The following TPSD1 variants were observed in gnomAD, a reference collection of about 807,000 sequenced individuals.
The protein encoded by TPSD1 is tryptase delta.
In TPSD1, 30 loss-of-function variants were observed where a neutral mutation model predicts 25.4. The observed-to-expected ratio is 1.18, with a 90% CI of 0.88 to 1.60. The LOEUF is 1.60. Among genes scored for constraint, TPSD1 ranks in the 40% most tolerant of loss-of-function variants. The probability of loss-of-function intolerance (pLI) is 0.00; values close to 1 mark genes in which losing one functional copy is unlikely to be tolerated. For missense variants in TPSD1, 420 were observed against 324.2 expected (o/e 1.30, Z -2.27); for synonymous variants, 176 against 149.4 (o/e 1.18, Z -1.30).
At chr16:1,257,303 G>A (rs949489822) in intron 3 of TPSD1, 13 of 581,634 alleles carry the variant, frequency 2.2e-5, no homozygotes, top group South Asian at 4.8e-5. Context: ...TCCGTGCCTC[G>A]GTTTCCCCTT....
rs776727341 is a variant in TPSD1, at chr16:1,256,798, G to A, written c.256G>A (p.Asp86Asn). 1 of 1,612,390 alleles carries A rather than the reference G, an allele frequency of 6.2e-7. No homozygotes were observed. The highest frequency in any genetic ancestry group is 1.3e-5 in the African/African-American group (1 of 75,002). Residue 86 changes from aspartate (D) to asparagine (N), a missense_variant and splice_region_variant, in exon 3 of 5, where the codon GAC (aspartate) becomes AAC (asparagine). Physicochemically the swap from Asp to Asn is conservative, Grantham distance 23. Coordinates refer to ENST00000211076, the MANE Select transcript of TPSD1 (RefSeq NM_012217.3). ...VLTAAHCVEPDIKDLAALRVQ... is the reference protein window; with the variant it reads ...VLTAAHCVEPNIKDLAALRVQ... ...TGAGTGGGATCCTCCGCTGCCCAGG[G>A]ACATCAAGGATCTGGCCGCCCTCAG... is the stretch of plus-strand genomic sequence containing the variant.
At position 1,256,655 on chromosome 16, in the gene TPSD1, G is replaced by A; in HGVS notation, c.222G>A (p.Gln74=). The part of the protein sequence containing the change: ...HFCGGSLIHP[Q]WVLTAAHCVE... Reference sequence around the variant, plus strand: ...GCGGGGGCTCCCTCATCCACCCCCAGTGGGTGCTAACCGCGGCGCACTGCG... The same window carrying A: ...GCGGGGGCTCCCTCATCCACCCCCAATGGGTGCTAACCGCGGCGCACTGCG... Residue 74 remains glutamine, a synonymous_variant, in exon 2 of 5, where the codon CAG becomes CAA. Coordinates refer to ENST00000211076, the MANE Select transcript of TPSD1 (RefSeq NM_012217.3). The A allele has an allele frequency of 2.5e-6, 4 of 1,612,726 alleles. No homozygotes were observed. Among genetic ancestry groups the A allele is most frequent in the Non-Finnish European group, 3.4e-6 (4 of 1,179,578 alleles).
chr16:1,258,193 G>T lies in TPSD1; in HGVS notation c.655G>T (p.Ala219Ser). ...AATCGTCCGCGATGACATGCTGTGT[G>T]CGGGGAGCGAAAATCACGACTCCTG... ...FQIVRDDMLCAGSENHDSCQG... is the reference protein window; with the variant it reads ...FQIVRDDMLCSGSENHDSCQG... The change falls in exon 4 of 5, where the codon GCG becomes TCG. Residue 219 changes from alanine to serine, a missense_variant. Ala to Ser is a moderately conservative substitution (Grantham distance 99). Coordinates refer to ENST00000211076, the MANE Select transcript of TPSD1 (RefSeq NM_012217.3). 1 of 1,612,700 alleles carries T rather than the reference G, an allele frequency of 6.2e-7. No homozygotes were observed. Among genetic ancestry groups the T allele is most frequent in the Non-Finnish European group, 8.5e-7 (1 of 1,179,890 alleles).
In TPSD1 at chr16:1,258,423, A is replaced by G. The variant is rs759292258; in HGVS notation, c.*47A>G. On this transcript the variant is annotated 3_prime_UTR_variant, in exon 5 of 5. Coordinates refer to ENST00000211076, the MANE Select transcript of TPSD1 (RefSeq NM_012217.3). Reference sequence around the variant, plus strand: ...TGGGAGGAGAGCTGTGCCCAGCCCAACCGGCCTGGCATCTACACCCGTGTC... The same window carrying G: ...TGGGAGGAGAGCTGTGCCCAGCCCAGCCGGCCTGGCATCTACACCCGTGTC... The G allele has an allele frequency of 6.2e-7, 1 of 1,612,782 alleles. No homozygotes were observed. Among genetic ancestry groups the G allele is most frequent in the African/African-American group, 1.3e-5 (1 of 74,538 alleles).
intron 3 of TPSD1, 29 bp from the exon 4 acceptor site, chr16:1,258,030 C>T (rs2031011582): frequency 1.9e-6 from 3 of 1,553,776 alleles, no homozygotes; most frequent in South Asian, 1.2e-5. Context: ...CGGCCCCAGA[C>T]CCGGCTCCAC....
rs1441268518 is a variant in TPSD1, at chr16:1,256,523, C to T, written c.90C>T (p.Gly30=). The T allele has an allele frequency of 6.2e-7, 1 of 1,608,756 alleles. No individual in the cohort carries two copies. Among genetic ancestry groups the T allele is most frequent in the Non-Finnish European group, 8.5e-7 (1 of 1,178,612 alleles). ...ACCTGGCACCTGCCCCAGCCCCAGG[C>T]CAGGCCCTGCAGCAAACGGGCATTG... is the stretch of plus-strand genomic sequence containing the variant. ...ASPAYVAPAP[G]QALQQTGIVG... The change falls in exon 2 of 5, where the codon GGC becomes GGT. Residue 30 remains glycine (G), a synonymous_variant. Transcript: ENST00000211076.
At chr16:1,257,291 C>T (rs2030996617) in intron 3 of TPSD1, 16 of 606,194 alleles carry the variant, frequency 2.6e-5, no homozygotes, top group Non-Finnish European at 4.6e-5. Flanking sequence ...TCCCTTAGCA[C>T]CTCCGTGCCT....
In TPSD1 at chr16:1,256,602, G is replaced by A; in HGVS notation, c.169G>A (p.Val57Ile). 6.2e-7 allele frequency: 1 copy of A among 1,612,916 alleles called. No individual in the cohort carries two copies. Among genetic ancestry groups the A allele is most frequent in the Non-Finnish European group, 8.5e-7 (1 of 1,179,774 alleles). Reference protein sequence around the residue: ...SKWPWQVSLRVRGPYWMHFCG... With the variant: ...SKWPWQVSLRIRGPYWMHFCG... ...GTGGCCCTGGCAGGTGAGCCTGAGAGTCCGCGGCCCATACTGGATGCACTT... is the reference window on the plus strand; with the variant it reads ...GTGGCCCTGGCAGGTGAGCCTGAGAATCCGCGGCCCATACTGGATGCACTT... Residue 57 changes from valine (V) to isoleucine (I), a missense_variant, in exon 2 of 5, where the codon GTC becomes ATC. Physicochemically the swap from Val to Ile is conservative, Grantham distance 29 (BLOSUM62 3). Transcript: ENST00000211076.
intron 3 of TPSD1, 96 bp downstream of exon 3, chr16:1,257,158 A>C (rs2030993707): frequency 6.8e-7 from 1 of 1,462,208 alleles, no homozygotes; most frequent in East Asian, 2.5e-5. Flanking sequence ...AGGGCGGCTC[A>C]GGGAGGGGGA....
chr16:1,258,610 C>A lies in TPSD1; in HGVS notation c.*234C>A. 2 of 1,236,520 alleles carry A rather than the reference C, an allele frequency of 1.6e-6. No individual in the cohort carries two copies. The highest frequency in any genetic ancestry group is 1.4e-5 in the South Asian group (1 of 70,204). The allele number at this position is 1,236,520 out of a possible 1,614,324, so 76.6% of individuals were successfully genotyped here. A position where few individuals can be genotyped will look rare whatever the true frequency, so the allele number is the denominator to read the frequency against. On this transcript the variant is annotated 3_prime_UTR_variant, in exon 5 of 5. Coordinates refer to ENST00000211076, the MANE Select transcript of TPSD1 (RefSeq NM_012217.3). ...CCCCACACCTTCCCCCATCCTGAGTCCCCTCTCCCATCCTGAGCCCTGTCC... is the reference window on the plus strand; with the variant it reads ...CCCCACACCTTCCCCCATCCTGAGTACCCTCTCCCATCCTGAGCCCTGTCC...
chr16:1,257,207 A>C (rs1246847942), intron 3 of TPSD1, 145 bp downstream of exon 3: 2 of 1,194,876 alleles, frequency 1.7e-6, no homozygotes, highest in Admixed American at 5.3e-5. Context: ...CGGTGGCGAG[A>C]GGCAGCAGGT....
Position 1,258,659 on chromosome 16 carries a change from T to G in TPSD1, c.*283T>G. The G allele has an allele frequency of 5.6e-6, 2 of 359,170 alleles. No homozygotes were observed. Among genetic ancestry groups the G allele is most frequent in the South Asian group, 3.1e-5 (1 of 32,576 alleles). 22.2% of individuals were successfully genotyped at this position (359,170 alleles called of 1,614,324 possible). ...CCCCTGTCCTGAGCCCCCTCCCCTTTCTTGATCCCCTCCCCCATCCTGAGC... is the reference window on the plus strand; with the variant it reads ...CCCCTGTCCTGAGCCCCCTCCCCTTGCTTGATCCCCTCCCCCATCCTGAGC... On this transcript the variant is annotated 3_prime_UTR_variant, in exon 5 of 5. Coordinates refer to ENST00000211076, the MANE Select transcript of TPSD1 (RefSeq NM_012217.3).
chr16:1,256,183 A>G lies in TPSD1; in HGVS notation c.-98A>G. ...TCAGAGCACCAAGACCCAGGCCCGC[A>G]GGCCTGGACCCACCCCGGTCCCCCC... On this transcript the variant is annotated 5_prime_UTR_variant, in exon 1 of 5. Transcript: ENST00000211076. 1.9e-6 allele frequency: 3 copies of G among 1,561,960 alleles called. No individual in the cohort carries two copies. Among genetic ancestry groups the G allele is most frequent in the Admixed American group, 3.6e-5 (2 of 56,060 alleles).
In TPSD1 at chr16:1,258,339, C is replaced by G. The variant is rs368387817; in HGVS notation, c.692C>G (p.Ser231Cys). Residue 231 changes from serine to cysteine, a missense_variant, in exon 5 of 5, where the codon TCT becomes TGT. By Grantham distance (112) the Ser-to-Cys change is moderately radical. Coordinates refer to ENST00000211076, the MANE Select transcript of TPSD1 (RefSeq NM_012217.3). ...GACCTCTGACCTTCCCAGGGTGACT[C>G]TGGAGGGCCCCTGGTCTGCAAGGTG... is the stretch of plus-strand genomic sequence containing the variant. Reference protein sequence around the residue: ...SENHDSCQGDSGGPLVCKVNG... With the variant: ...SENHDSCQGDCGGPLVCKVNG... 1.4e-5 allele frequency: 23 copies of G among 1,606,304 alleles called. No individual in the cohort carries two copies. In the African/African-American group the frequency reaches 2.2e-4, roughly 15 times the overall value.
chr16:1,258,507 G>T lies in TPSD1; in HGVS notation c.*131G>T. 2 of 1,610,478 alleles carry T rather than the reference G, an allele frequency of 1.2e-6. No homozygotes were observed. The highest frequency in any genetic ancestry group is 1.7e-6 in the Non-Finnish European group (2 of 1,178,110). On this transcript the variant is annotated 3_prime_UTR_variant, in exon 5 of 5. Transcript: ENST00000211076. ...CCCAAGAAGCCCTGAGCCAGGCCTG[G>T]GGTGTCCACCCGGGTCACTGGAGGG...
Position 1,256,362 on chromosome 16 carries a change from G to T in TPSD1, c.82G>T (p.Ala28Ser), listed in dbSNP as rs751978585. 23 of 1,612,798 alleles carry T rather than the reference G, an allele frequency of 1.4e-5. No homozygotes were observed. The Admixed American group carries it at 2.5e-4, about 18-fold the overall frequency. ...GGCGAGCCCGGCCTACGTGGCCCCTGGTGAGTCCCAGCCGGGGTCCACCCT... is the reference window on the plus strand; with the variant it reads ...GGCGAGCCCGGCCTACGTGGCCCCTTGTGAGTCCCAGCCGGGGTCCACCCT... ...VLASPAYVAP[A>S]PGQALQQTGI... Residue 28 changes from alanine to serine, a missense_variant and splice_region_variant, in exon 1 of 5, where the codon GCC (alanine) becomes TCC (serine). By Grantham distance (99) the Ala-to-Ser change is moderately conservative. Transcript: ENST00000211076.
At chr16:1,257,853 G>C in intron 3 of TPSD1, 2 of 625,386 alleles carry the variant, frequency 3.2e-6, no homozygotes, top group Non-Finnish European at 2.8e-6. Context: ...CCCTTCCCCA[G>C]ATGGGGCTTA....
rs188099297 is a variant in TPSD1, at chr16:1,257,248, C to T, written c.520+186C>T. ...GAGCAGAGACGGTGAGTCCAAAGGG[C>T]CTGGGCGTCCCCCACCCCAGGGGTT... On this transcript the variant is annotated intron_variant, in intron 3 of 4. Transcript: ENST00000211076. 7 of 788,254 alleles carry T rather than the reference C, an allele frequency of 8.9e-6. No individual in the cohort carries two copies. The East Asian group carries it at 1.6e-4, about 18-fold the overall frequency. 48.8% of individuals were successfully genotyped at this position (788,254 alleles called of 1,614,324 possible). A position where few individuals can be genotyped will look rare whatever the true frequency, so the allele number is the denominator to read the frequency against.
At position 1,256,205 on chromosome 16, in the gene TPSD1, C is replaced by T; in HGVS notation, c.-76C>T. 4.4e-6 allele frequency: 7 copies of T among 1,605,184 alleles called. No individual in the cohort carries two copies. The South Asian group carries it at 6.6e-5, about 15-fold the overall frequency. On this transcript the variant is annotated 5_prime_UTR_variant, in exon 1 of 5. Transcript: ENST00000211076. ...CGCAGGCCTGGACCCACCCCGGTCC[C>T]CCCGTCCCAGCTCCATTCTTCACCC...
Sources: allele counts gnomAD v4.1 joint callset, GRCh38; gene constraint gnomAD v4.1.1; transcripts MANE v1.5; gene names NCBI Gene and HGNC (gene_info 2026-07-23, HGNC 2026-07-21).